Variants in PDSS2 observed in about 807,000 individuals in gnomAD.
PDSS2 encodes the protein all trans-polyprenyl-diphosphate synthase PDSS2.
In PDSS2, 31 loss-of-function variants were observed where a neutral mutation model predicts 44.5. The observed-to-expected ratio is 0.70, with a 90% CI of 0.52 to 0.94. PDSS2 has a LOEUF of 0.94. Among genes scored for constraint, PDSS2 ranks in the 40% least tolerant of loss-of-function variants. The pLI, the probability that PDSS2 is intolerant of heterozygous loss-of-function variation, is 0.00. For missense variants in PDSS2, 452 were observed against 482.2 expected (o/e 0.94, Z 0.59); for synonymous variants, 157 against 180.3 (o/e 0.87, Z 1.03).
intron 3 of PDSS2, among the ~76,000 whole-genome samples, chr6:107,259,437 C>T (rs1020543727): frequency 1.3e-5 from 2 of 151,692 alleles, no homozygotes; most frequent in Non-Finnish European, 2.9e-5. Context: ...CCAAGGTGGG[C>T]GGATCACCTG....
intron 2 of PDSS2, among the ~76,000 whole-genome samples, chr6:107,291,076 G>A (rs759756178): frequency 6.6e-6 from 1 of 151,310 alleles, no homozygotes; most frequent in Admixed American, 6.6e-5. Flanking sequence ...AACCTGTGCC[G>A]GGTAAAAGAA....
intron 7 of PDSS2, among the ~76,000 whole-genome samples, chr6:107,186,611 C>A (rs955471370): frequency 3.9e-5 from 6 of 152,060 alleles, no homozygotes; most frequent in Admixed American, 3.9e-4. Context: ...CCTTTCGCGC[C>A]CCCCTACCCC....
At chr6:107,294,818 T>C (rs1173893825) in intron 2 of PDSS2, among the ~76,000 whole-genome samples, 1 of 152,224 alleles carries the variant, frequency 6.6e-6, no homozygotes. Context: ...AGGTAAAATA[T>C]AATTCATCTG....
At chr6:107,209,217 G>A (rs1205309065) in intron 6 of PDSS2, among the ~76,000 whole-genome samples, 1 of 151,894 alleles carries the variant, frequency 6.6e-6, no homozygotes, top group Non-Finnish European at 1.5e-5. Context: ...TTGCTGTTTC[G>A]TGGAAGCAGC....
chr6:107,374,300 A>C (rs76643229), intron 1 of PDSS2, among the ~76,000 whole-genome samples: 1,945 of 151,610 alleles, frequency 0.013, 59 homozygotes, highest in East Asian at 0.12. Context: ...AACTAACAGC[A>C]GCTAATACTC....
At chr6:107,190,093 A>G (rs910830754) in intron 7 of PDSS2, among the ~76,000 whole-genome samples, 4 of 151,690 alleles carry the variant, frequency 2.6e-5, no homozygotes. Context: ...CTAAAAAAAA[A>G]AAACAAAAAT....
chr6:107,191,655 G>C (rs1437080837), intron 7 of PDSS2, among the ~76,000 whole-genome samples: 1 of 151,836 alleles, frequency 6.6e-6, no homozygotes, highest in Non-Finnish European at 1.5e-5. Flanking sequence ...TCTGTCACCC[G>C]GGCTGGAGTG....
chr6:107,288,199 ATAAT>A (rs1776219218), intron 2 of PDSS2, among the ~76,000 whole-genome samples: 1 of 152,224 alleles, frequency 6.6e-6, no homozygotes, highest in Admixed American at 6.5e-5. Context: ...GTAACAACAA[ATAAT>A]TAGAAACAAG....
At chr6:107,402,933 C>G (rs1780194417) in intron 1 of PDSS2, among the ~76,000 whole-genome samples, 1 of 152,026 alleles carries the variant, frequency 6.6e-6, no homozygotes, top group Non-Finnish European at 1.5e-5. Flanking sequence ...TCATTCCACC[C>G]CTGGCTCCTC....
At chr6:107,225,070 G>A (rs1773739969) in intron 4 of PDSS2, among the ~76,000 whole-genome samples, 1 of 143,386 alleles carries the variant, frequency 7.0e-6, no homozygotes, top group Non-Finnish European at 1.5e-5. Flanking sequence ...CTTCCCTAGA[G>A]CAAGTGATCC....
intron 4 of PDSS2, among the ~76,000 whole-genome samples, chr6:107,241,344 C>CTTTTTTT (rs58623641): frequency 6.4e-5 from 5 of 77,980 alleles, no homozygotes; most frequent in Non-Finnish European, 8.8e-5. Flanking sequence ...TCTTCTTCTT[C>CTTTTTTT]TTTTTTTTTT....
At chr6:107,335,445 T>C (rs1777856017) in intron 1 of PDSS2, among the ~76,000 whole-genome samples, 3 of 152,184 alleles carry the variant, frequency 2.0e-5, no homozygotes, top group Admixed American at 2.0e-4. Flanking sequence ...GCTCAGAGAA[T>C]GAAAGGATTA....
At chr6:107,279,745 G>A (rs1775898268) in intron 2 of PDSS2, among the ~76,000 whole-genome samples, 2 of 152,204 alleles carry the variant, frequency 1.3e-5, no homozygotes, top group Non-Finnish European at 2.9e-5. Context: ...GGAAATAGGA[G>A]TGAAATGACT....
At chr6:107,344,952 A>G (rs752424386) in intron 1 of PDSS2, among the ~76,000 whole-genome samples, 5 of 152,170 alleles carry the variant, frequency 3.3e-5, no homozygotes, top group Admixed American at 6.5e-5. Flanking sequence ...AGTCACACTG[A>G]AAACTCTCAA....
intron 7 of PDSS2, among the ~76,000 whole-genome samples, chr6:107,187,808 C>A (rs1446418457): frequency 6.6e-6 from 1 of 152,178 alleles, no homozygotes; most frequent in Non-Finnish European, 1.5e-5. Flanking sequence ...CCTATGTAAG[C>A]CTGTGCTAGG....
At chr6:107,264,379 T>C (rs1282134899) in intron 3 of PDSS2, 4 of 1,542,258 alleles carry the variant, frequency 2.6e-6, no homozygotes, top group Non-Finnish European at 2.6e-6. Flanking sequence ...TCCGGAAGTA[T>C]AAATCACTAA....
intron 2 of PDSS2, among the ~76,000 whole-genome samples, chr6:107,326,264 T>G (rs1206369037): frequency 6.6e-6 from 1 of 151,798 alleles, no homozygotes; most frequent in Admixed American, 6.6e-5. Context: ...CCACCATGCC[T>G]GGCTAATTTT....
At chr6:107,180,059 A>G (rs1421744449) in intron 7 of PDSS2, among the ~76,000 whole-genome samples, 1 of 152,176 alleles carries the variant, frequency 6.6e-6, no homozygotes, top group African/African-American at 2.4e-5. Flanking sequence ...CAAAAACCAT[A>G]ATTTTGGGAA....
At chr6:107,434,293 T>C (rs1362909957) in intron 1 of PDSS2, among the ~76,000 whole-genome samples, 1 of 152,166 alleles carries the variant, frequency 6.6e-6, no homozygotes, top group Non-Finnish European at 1.5e-5. Flanking sequence ...ACTGAAGAGA[T>C]AGCTATACTC....
Sources: gnomAD v4.1 joint callset for allele counts (sites outside exome capture counted in the v4.1 genomes callset) on GRCh38, gnomAD v4.1.1 for gene constraint, MANE v1.5 for transcripts, NCBI Gene and HGNC (gene_info 2026-07-23, HGNC 2026-07-21) for gene names.